Variants in PATJ observed in about 807,000 individuals in gnomAD.
PATJ encodes PATJ crumbs cell polarity complex component.
PATJ carries 190 observed loss-of-function variants against 224.9 expected under a neutral mutation model. The ratio of observed to expected loss-of-function variants is 0.84; its 90% confidence interval spans 0.75 to 0.95. The LOEUF (loss-of-function observed/expected upper bound fraction) is 0.95. Among genes scored for constraint, PATJ ranks in the 40% least tolerant of loss-of-function variants. PATJ has a pLI of 0.00. For synonymous variants in PATJ, 769 were observed against 820.3 expected (o/e 0.94, Z 1.07); for missense variants, 2,121 against 2,270.3 (o/e 0.93, Z 1.34).
chr1:61,953,210 T>C (rs1248176539), intron 27 of PATJ, among the ~76,000 whole-genome samples: 1 of 152,206 alleles, frequency 6.6e-6, no homozygotes, highest in Non-Finnish European at 1.5e-5. Flanking sequence ...TTTATCTAAA[T>C]AAAATGGAAT....
chr1:61,814,442 C>T (rs185876601), intron 14 of PATJ, among the ~76,000 whole-genome samples: 7 of 151,688 alleles, frequency 4.6e-5, no homozygotes, highest in African/African-American at 1.2e-4. Context: ...CGTGCCCGGC[C>T]GCATTATTCT....
chr1:61,769,746 C>CTA (rs1646493478), intron 5 of PATJ, among the ~76,000 whole-genome samples: 1 of 152,146 alleles, frequency 6.6e-6, no homozygotes, highest in Non-Finnish European at 1.5e-5. Flanking sequence ...AGCTAGTGCG[C>CTA]TATTTCCCTC....
chr1:61,764,210 A>T (rs1646136607), intron 3 of PATJ, among the ~76,000 whole-genome samples: 2 of 152,108 alleles, frequency 1.3e-5, no homozygotes, highest in African/African-American at 4.8e-5. Context: ...CAATAGTCAC[A>T]CTTCTCTTAA....
chr1:62,134,425 A>C (rs1666608411), intron 41 of PATJ, among the ~76,000 whole-genome samples: 1 of 146,456 alleles, frequency 6.8e-6, no homozygotes, highest in Admixed American at 7.1e-5. Context: ...GGCTCGCTGC[A>C]ACTTCCATCT....
chr1:61,780,456 C>T (rs547811748), intron 7 of PATJ, among the ~76,000 whole-genome samples: 235 of 152,240 alleles, frequency 1.5e-3, no homozygotes, highest in African/African-American at 5.4e-3. Context: ...CAGAGCAAGA[C>T]TCTTTCTCAA....
chr1:61,886,764 G>A (rs1668900883), intron 22 of PATJ, among the ~76,000 whole-genome samples: 1 of 147,300 alleles, frequency 6.8e-6, no homozygotes, highest in Non-Finnish European at 1.5e-5. Flanking sequence ...AGGTTGCAGT[G>A]AGCCGAGATC....
intron 29 of PATJ, among the ~76,000 whole-genome samples, chr1:62,024,446 G>T (rs557913835): frequency 2.0e-5 from 3 of 151,940 alleles, no homozygotes; most frequent in Non-Finnish European, 4.4e-5. Flanking sequence ...TCTTTGCTAC[G>T]TCCATTCCTT....
chr1:62,049,149 A>G (rs1467891720), intron 30 of PATJ, among the ~76,000 whole-genome samples: 1 of 151,724 alleles, frequency 6.6e-6, no homozygotes, highest in Non-Finnish European at 1.5e-5. Flanking sequence ...TAAATATGCA[A>G]TCGTATGTGA....
At chr1:61,933,141 C>G (rs980453454) in intron 27 of PATJ, among the ~76,000 whole-genome samples, 16 of 152,096 alleles carry the variant, frequency 1.1e-4, no homozygotes, top group Admixed American at 9.8e-4. Context: ...AAACAATGTA[C>G]TGCATCAATG....
intron 27 of PATJ, among the ~76,000 whole-genome samples, chr1:61,958,691 G>A (rs1680786137): frequency 6.6e-6 from 1 of 152,186 alleles, no homozygotes; most frequent in African/African-American, 2.4e-5. Flanking sequence ...ACAGAGGAGA[G>A]ATTGTGATCC....
chr1:62,032,204 G>A (rs545186112), intron 29 of PATJ, among the ~76,000 whole-genome samples: 2 of 152,100 alleles, frequency 1.3e-5, no homozygotes, highest in Non-Finnish European at 2.9e-5. Context: ...CTATTTTCTT[G>A]CTGGTTCTCA....
At chr1:62,020,384 A>G (rs1347027184) in intron 29 of PATJ, among the ~76,000 whole-genome samples, 1 of 152,220 alleles carries the variant, frequency 6.6e-6, no homozygotes, top group African/African-American at 2.4e-5. Context: ...GGCTTTTATT[A>G]TCCACATGGG....
chr1:62,142,644 T>C (rs1382218570), intron 41 of PATJ, among the ~76,000 whole-genome samples: 3 of 152,306 alleles, frequency 2.0e-5, no homozygotes, highest in African/African-American at 7.2e-5. Context: ...CTAATCACCA[T>C]AATTTGTGAG....
chr1:62,045,035 T>C (rs1652259270), intron 30 of PATJ, among the ~76,000 whole-genome samples: 1 of 152,070 alleles, frequency 6.6e-6, no homozygotes, highest in African/African-American at 2.4e-5. Context: ...CTGGCCAACA[T>C]GGCGAAACCC....
At chr1:61,860,921 G>A (rs1003834024) in intron 18 of PATJ, among the ~76,000 whole-genome samples, 6 of 151,930 alleles carry the variant, frequency 3.9e-5, no homozygotes, top group Non-Finnish European at 8.8e-5. Flanking sequence ...GAAATTTTGG[G>A]ATATGTAGCG....
intron 6 of PATJ, among the ~76,000 whole-genome samples, chr1:61,774,556 C>T (rs1228406206): frequency 6.6e-6 from 1 of 152,182 alleles, no homozygotes; most frequent in African/African-American, 2.4e-5. Flanking sequence ...AGATTCTTCA[C>T]ATATGAATTT....
chr1:61,832,824 T>C (rs1015885543), intron 16 of PATJ, among the ~76,000 whole-genome samples: 4 of 152,144 alleles, frequency 2.6e-5, no homozygotes, highest in Admixed American at 6.5e-5. Flanking sequence ...AATAGTACAA[T>C]GCTATAATTA....
chr1:62,106,180 A>C, intron 33 of PATJ, among the ~76,000 whole-genome samples: 1 of 105,810 alleles, frequency 9.5e-6, no homozygotes, highest in Non-Finnish European at 2.0e-5. Flanking sequence ...ATATATATAT[A>C]TATATATGGC....
chr1:61,945,703 G>T (rs1678589365), intron 27 of PATJ, among the ~76,000 whole-genome samples: 1 of 152,168 alleles, frequency 6.6e-6, no homozygotes, highest in Non-Finnish European at 1.5e-5. Flanking sequence ...ACTCAGTTCT[G>T]CACCAAGCAG....
Sources: gnomAD v4.1 joint callset for allele counts (sites outside exome capture counted in the v4.1 genomes callset) on GRCh38, gnomAD v4.1.1 for gene constraint, MANE v1.5 for transcripts, NCBI Gene and HGNC (gene_info 2026-07-23, HGNC 2026-07-21) for gene names.